USP34: variants seen among roughly 807,000 people sequenced by gnomAD.
USP34 encodes the protein ubiquitin specific peptidase 34, also known as ubiquitin carboxyl-terminal hydrolase 34.
A neutral mutation model predicts 460.3 loss-of-function variants in USP34; 70 were observed. The observed-to-expected ratio is 0.15, with a 90% CI of 0.13 to 0.19. The LOEUF is 0.19. Ranked by LOEUF, USP34 falls within the 10% of genes least tolerant of loss-of-function variation. The pLI, the probability that USP34 is intolerant of heterozygous loss-of-function variation, is 1.00. For synonymous variants in USP34, 1,647 were observed against 1,405.3 expected (o/e 1.17, Z -3.85); for missense variants, 3,985 against 4,236.2 (o/e 0.94, Z 1.65).
chr2:61,352,842 G>A (rs1691983893), intron 10 of USP34, among the ~76,000 whole-genome samples: 1 of 151,558 alleles, frequency 6.6e-6, no homozygotes, highest in East Asian at 2.1e-4. Context: ...TGACGAAGAG[G>A]ACAAAGACGA....
intron 1 of USP34, among the ~76,000 whole-genome samples, chr2:61,468,132 A>G (rs755388211): frequency 1.1e-4 from 16 of 151,098 alleles, no homozygotes; most frequent in South Asian, 6.3e-4. Context: ...AGAACTACAG[A>G]AAAAAAAACA....
In USP34 at chr2:61,343,961, G is replaced by A; in HGVS notation, c.2354C>T (p.Ser785Leu). 6.2e-7 allele frequency: 1 copy of A among 1,613,808 alleles called. No homozygotes were observed. The highest frequency in any genetic ancestry group is 8.5e-7 in the Non-Finnish European group (1 of 1,179,886). Reference sequence around the variant, plus strand: ...ATCAAAATCAGCCATATTTTTTTCTGATTTTGCACTAACCTGGGAGCTACT... The same window carrying A: ...ATCAAAATCAGCCATATTTTTTTCTAATTTTGCACTAACCTGGGAGCTACT... ...SCSSSQVSAK[S>L]EKNMADFDGE... The change falls in exon 16 of 80, where the codon TCA (serine) becomes TTA (leucine). Residue 785 changes from serine (S) to leucine (L), a missense_variant. This residue lies in a region of USP34 where 716 missense variants were observed against 626.2 expected (regional missense o/e 1.14). Coordinates refer to ENST00000398571, the MANE Select transcript of USP34 (RefSeq NM_014709.4).
chr2:61,399,630 T>C (rs1693649348), intron 3 of USP34, among the ~76,000 whole-genome samples: 1 of 151,924 alleles, frequency 6.6e-6, no homozygotes, highest in South Asian at 2.1e-4. Context: ...CCCAGCACTT[T>C]GGGAGGCTGA....
rs573961903 is a variant in USP34, at chr2:61,190,557, G to T, written c.9690C>A (p.Asn3230Lys). ...GTGTCATGAACGTGTAGACAATGTTGTTGTTTAAAAAAGTTCTTTCATCCA... is the reference window on the plus strand; with the variant it reads ...GTGTCATGAACGTGTAGACAATGTTTTTGTTTAAAAAAGTTCTTTCATCCA... Reference protein sequence around the residue: ...ILMDERTFLNNNIVYTFMTHF... With the variant: ...ILMDERTFLNKNIVYTFMTHF... The change falls in exon 77 of 80, where the codon AAC becomes AAA. Residue 3230 changes from asparagine (N) to lysine (K), a missense_variant. Physicochemically the swap from Asn to Lys is moderately conservative, Grantham distance 94 (BLOSUM62 0). Transcript: ENST00000398571. 4 of 1,614,064 alleles carry T rather than the reference G, an allele frequency of 2.5e-6. No individual in the cohort carries two copies. The South Asian group carries it at 4.4e-5, about 18-fold the overall frequency.
rs1276038626 is a variant in USP34, at chr2:61,190,430, T to G, written c.9730-16A>C. 2 of 1,597,238 alleles carry G rather than the reference T, an allele frequency of 1.3e-6. No individual in the cohort carries two copies. Among genetic ancestry groups the G allele is most frequent in the Non-Finnish European group, 1.7e-6 (2 of 1,174,334 alleles). The stretch of plus-strand genomic sequence containing the variant: ...GACTTTGAACCTGAAAAAGAAGATT[T>G]AAAAAAATCTCCAAAAGACCAGCAT... On this transcript the variant is annotated splice_polypyrimidine_tract_variant and intron_variant, in intron 77 of 79. Transcript: ENST00000398571.
chr2:61,363,171 T>A (rs1485859310), intron 10 of USP34, among the ~76,000 whole-genome samples: 2 of 152,156 alleles, frequency 1.3e-5, no homozygotes, highest in Non-Finnish European at 2.9e-5. Context: ...AATTCACACC[T>A]ACTAGGATAG....
At chr2:61,443,360 T>C (rs1695019322) in intron 1 of USP34, among the ~76,000 whole-genome samples, 1 of 152,168 alleles carries the variant, frequency 6.6e-6, no homozygotes. Context: ...CTGATCACTA[T>C]ATATGTATCA....
Position 61,420,831 on chromosome 2 carries a change from A to T in USP34, c.46T>A (p.Ser16Thr). 1 of 1,603,302 alleles carries T rather than the reference A, an allele frequency of 6.2e-7. No homozygotes were observed. The highest frequency in any genetic ancestry group is 8.5e-7 in the Non-Finnish European group (1 of 1,175,618). Residue 16 changes from serine to threonine, a missense_variant and splice_region_variant, in exon 2 of 80, where the codon TCA (serine) becomes ACA (threonine). By Grantham distance (58) the Ser-to-Thr change is moderately conservative (BLOSUM62 1). Around this residue, in one of 14 missense-constraint regions of USP34, gnomAD observed 331 missense variants for 293.7 expected, o/e 1.13. Coordinates refer to ENST00000398571, the MANE Select transcript of USP34 (RefSeq NM_014709.4). ...AGTCCATCACCACCTTCTACATCTG[A>T]TACTGAAATAAAAAAGAAATTTTAA... ...ADLVEVLNEI[S>T]DVEGGDGLQL...
chr2:61,257,363 A>AG lies in USP34; in HGVS notation c.5845-14dup. On this transcript the variant is annotated splice_polypyrimidine_tract_variant and intron_variant, in intron 44 of 79. Transcript: ENST00000398571. ...TGCATTCACTCTCCTGCAAATAAAA[A>AG]GGGGAACATTCTAAGTGTCAGATAA... 1 of 1,558,342 alleles carries AG rather than the reference A, an allele frequency of 6.4e-7. No homozygotes were observed. Among genetic ancestry groups the AG allele is most frequent in the Non-Finnish European group, 8.6e-7 (1 of 1,156,532 alleles).
chr2:61,467,467 T>C (rs1337475501), intron 1 of USP34, among the ~76,000 whole-genome samples: 2 of 151,930 alleles, frequency 1.3e-5, no homozygotes, highest in Non-Finnish European at 2.9e-5. Context: ...GAGGTTGCTT[T>C]AATACTAATT....
chr2:61,300,188 T>A (rs767865848), intron 29 of USP34, among the ~76,000 whole-genome samples: 1 of 152,162 alleles, frequency 6.6e-6, no homozygotes, highest in African/African-American at 2.4e-5. Context: ...CTGTTTAAAA[T>A]CTTTTAATGT....
intron 10 of USP34, among the ~76,000 whole-genome samples, chr2:61,361,272 T>G (rs1692267784): frequency 6.6e-6 from 1 of 152,030 alleles, no homozygotes; most frequent in Admixed American, 6.6e-5. Context: ...AAATTAAAAG[T>G]TAGCTGGGCA....
At chr2:61,412,977 A>G (rs2103953429) in intron 2 of USP34, among the ~76,000 whole-genome samples, 1 of 152,294 alleles carries the variant, frequency 6.6e-6, no homozygotes, top group African/African-American at 2.4e-5. Flanking sequence ...AGTGAGAGCA[A>G]TAAATATGGA....
rs763711140 is a variant in USP34, at chr2:61,447,254, C to CAAAA, written c.43+23392_43+23395dup. 6.0e-4 allele frequency among the ~76,000 whole-genome samples: 36 copies of CAAAA among 59,668 alleles called. 1 individual carries two copies. The South Asian group carries it at 6.8e-3, about 11-fold the overall frequency. The allele number at this position is 59,668 out of a possible 152,430, so 39.1% of individuals were successfully genotyped here. A position where few individuals can be genotyped will look rare whatever the true frequency, so the allele number is the denominator to read the frequency against. ...TGGGCAACAGAGTGAAACTGTCTTC[C>CAAAA]AAAAAAAAAAAAAAAAAAAAAAAAA... On this transcript the variant is annotated intron_variant, in intron 1 of 79. Coordinates refer to ENST00000398571, the MANE Select transcript of USP34 (RefSeq NM_014709.4).
intron 49 of USP34, among the ~76,000 whole-genome samples, chr2:61,247,095 A>G (rs1688436232): frequency 6.6e-6 from 1 of 152,190 alleles, no homozygotes; most frequent in Non-Finnish European, 1.5e-5. Flanking sequence ...ATAAAGAAAA[A>G]GGTACACTTC....
At chr2:61,296,190 G>A (rs1690023169) in intron 30 of USP34, among the ~76,000 whole-genome samples, 1 of 152,086 alleles carries the variant, frequency 6.6e-6, no homozygotes, top group South Asian at 2.1e-4. Context: ...AGCCCTCGTG[G>A]TTGTGGTTGC....
intron 23 of USP34, among the ~76,000 whole-genome samples, chr2:61,315,619 C>T (rs1463931570): frequency 6.6e-6 from 1 of 152,032 alleles, no homozygotes; most frequent in Admixed American, 6.6e-5. Context: ...AGCTGATCCA[C>T]CCGCCTCAGC....
At chr2:61,210,986 T>C (rs554306339) in intron 69 of USP34, among the ~76,000 whole-genome samples, 18 of 152,346 alleles carry the variant, frequency 1.2e-4, no homozygotes, top group Admixed American at 8.5e-4. Context: ...GGGAAAACAA[T>C]TGTATTCAAA....
At chr2:61,314,529 A>G (rs946069361) in intron 25 of USP34, 56 bp downstream of exon 25, 75 of 1,351,710 alleles carry the variant, frequency 5.5e-5, no homozygotes, top group Non-Finnish European at 7.1e-5. Flanking sequence ...ATATTTCTGG[A>G]TATGTCAGGA....
Sources: allele counts gnomAD v4.1 joint callset (sites outside exome capture counted in the v4.1 genomes callset), GRCh38; gene constraint gnomAD v4.1.1; regional missense constraint gnomAD v4.1.1; transcripts MANE v1.5; gene names NCBI Gene and HGNC (gene_info 2026-07-23, HGNC 2026-07-21).